The following ARK2N variants were observed in gnomAD, a reference collection of about 807,000 sequenced individuals.
ARK2N encodes protein ARK2N.
chr18:46,240,989 G>C, the ARK2N span, among the ~76,000 whole-genome samples: 1 of 152,216 alleles, frequency 6.6e-6, no homozygotes, highest in African/African-American at 2.4e-5. Flanking sequence ...AATTTCTTCA[G>C]TGTTGCTGAA....
the ARK2N span, among the ~76,000 whole-genome samples, chr18:46,253,468 T>C: frequency 6.6e-6 from 1 of 152,258 alleles, no homozygotes; most frequent in South Asian, 2.1e-4. Context: ...TTCATACTTT[T>C]ATGTACTGCC....
chr18:46,249,099 C>T, the ARK2N span, among the ~76,000 whole-genome samples: 1 of 152,156 alleles, frequency 6.6e-6, no homozygotes, highest in Non-Finnish European at 1.5e-5. Flanking sequence ...AGCCTGTATC[C>T]CCCATGCTAA....
chr18:46,210,581 G>A, the ARK2N span, among the ~76,000 whole-genome samples: 2 of 152,066 alleles, frequency 1.3e-5, no homozygotes, highest in African/African-American at 4.8e-5. Context: ...AAAATTACTA[G>A]TCTAGGGATG....
the ARK2N span, among the ~76,000 whole-genome samples, chr18:46,221,137 A>G: frequency 6.6e-6 from 1 of 152,148 alleles, no homozygotes; most frequent in Admixed American, 6.5e-5. Flanking sequence ...CTCTGTCTCA[A>G]AAAAATCCAA....
At chr18:46,203,399 G>A in the ARK2N span, among the ~76,000 whole-genome samples, 1 of 152,150 alleles carries the variant, frequency 6.6e-6, no homozygotes, top group African/African-American at 2.4e-5. Flanking sequence ...TAAAAGAACA[G>A]GCAAAATGAT....
the ARK2N span, among the ~76,000 whole-genome samples, chr18:46,259,772 CTGTGTGTGTG>C: frequency 0.013 from 1,344 of 104,844 alleles, 30 homozygotes; most frequent in African/African-American, 0.043. Flanking sequence ...CACCCAGCTA[CTGTGTGTGTG>C]TGTGTGTGTG....
chr18:46,205,959 G>A, the ARK2N span, among the ~76,000 whole-genome samples: 2 of 151,892 alleles, frequency 1.3e-5, no homozygotes, highest in Non-Finnish European at 2.9e-5. Flanking sequence ...TTAACTCCTG[G>A]ACTGAAGCTA....
the ARK2N span, chr18:46,240,197 C>T: frequency 6.2e-7 from 1 of 1,613,818 alleles, no homozygotes; most frequent in Non-Finnish European, 8.5e-7. Flanking sequence ...GGTTGGTCTT[C>T]CCCATCCCCC....
chr18:46,231,608 C>T, the ARK2N span, among the ~76,000 whole-genome samples: 1 of 132,786 alleles, frequency 7.5e-6, no homozygotes, highest in Non-Finnish European at 1.5e-5. Context: ...ACTAGCAGAC[C>T]GAATAGAAGA....
the ARK2N span, chr18:46,253,955 TTTTG>T: frequency 9.8e-6 from 11 of 1,119,392 alleles, no homozygotes; most frequent in South Asian, 6.9e-5. Context: ...CTTGGTTTTG[TTTTG>T]TTTAAGAAAC....
At chr18:46,258,904 T>C in the ARK2N span, among the ~76,000 whole-genome samples, 1 of 152,142 alleles carries the variant, frequency 6.6e-6, no homozygotes, top group African/African-American at 2.4e-5. Flanking sequence ...TTCTCCTGAA[T>C]TTTTTTCCCT....
the ARK2N span, among the ~76,000 whole-genome samples, chr18:46,203,578 T>G: frequency 6.6e-6 from 1 of 152,134 alleles, no homozygotes; most frequent in African/African-American, 2.4e-5. Flanking sequence ...CATTTCTGTG[T>G]GGTAATACTA....
the ARK2N span, among the ~76,000 whole-genome samples, chr18:46,259,247 T>TTTC: frequency 1.4e-4 from 21 of 148,556 alleles, no homozygotes; most frequent in African/African-American, 5.3e-4. Context: ...TTCTTTCTTT[T>TTTC]TTTTTTTTTT....
chr18:46,181,268 G>T, the ARK2N span, among the ~76,000 whole-genome samples: 1 of 150,696 alleles, frequency 6.6e-6, no homozygotes, highest in Non-Finnish European at 1.5e-5. Flanking sequence ...CTCGGGAGGT[G>T]GGGGGGGAAA....
chr18:46,209,411 C>G, the ARK2N span, among the ~76,000 whole-genome samples: 2 of 151,546 alleles, frequency 1.3e-5, no homozygotes, highest in African/African-American at 4.9e-5. Flanking sequence ...CAGATTTTCA[C>G]AAGTAGCCTC....
the ARK2N span, chr18:46,228,809 G>C: frequency 2.5e-6 from 1 of 398,600 alleles, no homozygotes; most frequent in Non-Finnish European, 4.4e-6. Flanking sequence ...GGGCTTAAGC[G>C]ATCTGCACAC....
the ARK2N span, among the ~76,000 whole-genome samples, chr18:46,247,822 C>G: frequency 1.3e-5 from 2 of 152,202 alleles, no homozygotes; most frequent in African/African-American, 2.4e-5. Flanking sequence ...CAGGGGCGTA[C>G]CACCATACCT....
the ARK2N span, among the ~76,000 whole-genome samples, chr18:46,223,798 T>C: frequency 6.6e-6 from 1 of 152,098 alleles, no homozygotes; most frequent in African/African-American, 2.4e-5. Context: ...ACTTAATCTT[T>C]CATGAGGAGA....
the ARK2N span, among the ~76,000 whole-genome samples, chr18:46,187,092 G>A: frequency 4.0e-5 from 6 of 151,110 alleles, no homozygotes; most frequent in African/African-American, 1.2e-4. Flanking sequence ...GACCTCAGGC[G>A]ATCCGCCCGC....
Sources: gnomAD v4.1 joint callset for allele counts (sites outside exome capture counted in the v4.1 genomes callset) on GRCh38, gnomAD v4.1.1 for gene constraint, MANE v1.5 for transcripts, NCBI Gene and HGNC (gene_info 2026-07-23, HGNC 2026-07-21) for gene names.